Variants in ZNF33A observed in about 807,000 individuals in gnomAD.
ZNF33A encodes zinc finger protein 33A.
ZNF33A carries 9 observed loss-of-function variants against 15.9 expected under a neutral mutation model. That is an observed-to-expected ratio of 0.57 (90% CI 0.34 to 0.99). The LOEUF is 0.99. Ranked by LOEUF, ZNF33A falls within the 50% of genes least tolerant of loss-of-function variation. The pLI is 0.02. For missense variants in ZNF33A, 843 were observed against 941.6 expected (o/e 0.90, Z 1.37); for synonymous variants, 294 against 324.2 (o/e 0.91, Z 1.00).
intron 4 of ZNF33A, among the ~76,000 whole-genome samples, chr10:38,042,934 C>T (rs2065772397): frequency 6.6e-6 from 1 of 152,068 alleles, no homozygotes; most frequent in East Asian, 1.9e-4. Context: ...TACATATTTG[C>T]TTATTAAATT....
intron 2 of ZNF33A, 70 bp from the exon 3 acceptor site, chr10:38,016,801 G>C (rs1564833624): frequency 1.3e-6 from 2 of 1,525,592 alleles, no homozygotes; most frequent in Admixed American, 2.2e-5. Context: ...ACAATATTCT[G>C]TGAATAATAA....
chr10:38,041,011 A>T (rs72793732), intron 4 of ZNF33A, among the ~76,000 whole-genome samples: 18,812 of 152,274 alleles, frequency 0.12, 1,386 homozygotes, highest in East Asian at 0.29. Context: ...TCGTAAGTCA[A>T]GGAGCATCTG....
At chr10:38,063,830 C>T (rs2066683961), downstream of ZNF33A, among the ~76,000 whole-genome samples, 1 of 152,154 alleles carries the variant, frequency 6.6e-6, no homozygotes, top group East Asian at 1.9e-4. Context: ...CTATTTTCAC[C>T]TTGGTTCAGT....
At chr10:38,011,116 G>A (rs1187989693) in intron 1 of ZNF33A, among the ~76,000 whole-genome samples, 1 of 152,240 alleles carries the variant, frequency 6.6e-6, no homozygotes, top group African/African-American at 2.4e-5. Flanking sequence ...GCCGCGGTAC[G>A]TGGGCGGGGA....
At chr10:38,014,035 ATTTTT>A (rs10658326) in intron 2 of ZNF33A, among the ~76,000 whole-genome samples, 8 of 80,368 alleles carry the variant, frequency 1.0e-4, no homozygotes, top group South Asian at 5.7e-4. Flanking sequence ...ATGATGTCTG[ATTTTT>A]TTTTTTTTTT....
At chr10:38,054,328 A>G (rs753451098) in intron 4 of ZNF33A, 47 bp from the exon 5 acceptor site, 1 of 1,469,354 alleles carries the variant, frequency 6.8e-7, no homozygotes, top group East Asian at 2.4e-5. Context: ...ATTCCCTAAG[A>G]AATGTTTTGG....
At chr10:38,039,507 A>G (rs1465990255) in intron 4 of ZNF33A, 1 of 456,186 alleles carries the variant, frequency 2.2e-6, no homozygotes, top group Admixed American at 2.4e-5. Flanking sequence ...GATTACAGGC[A>G]TGAGCCACAG....
downstream of ZNF33A, among the ~76,000 whole-genome samples, chr10:38,063,410 T>G (rs1302765317): frequency 1.3e-5 from 2 of 152,144 alleles, no homozygotes; most frequent in Non-Finnish European, 2.9e-5. Flanking sequence ...GGCTTGAACT[T>G]GACAAAAATT....
At chr10:38,062,027 C>G (rs2066660507), downstream of ZNF33A, among the ~76,000 whole-genome samples, 1 of 152,118 alleles carries the variant, frequency 6.6e-6, no homozygotes, top group Non-Finnish European at 1.5e-5. Flanking sequence ...AAGGTTTGGC[C>G]TTTGGGAGGT....
At position 38,010,692 on chromosome 10, in the gene ZNF33A, T is replaced by C. The variant is rs1376016259; in HGVS notation, c.-136T>C. ...ACGTCTGCGTTTCCGCCTTTCCTTT[T>C]GTTTTTCTCAGGTTTTGCGTGGGAG... is the stretch of plus-strand genomic sequence containing the variant. On this transcript the variant is annotated 5_prime_UTR_variant, in exon 1 of 5. Transcript: ENST00000432900. The C allele has an allele frequency of 6.3e-6, 10 of 1,597,056 alleles. No individual in the cohort carries two copies. Among genetic ancestry groups the C allele is most frequent in the Non-Finnish European group, 8.5e-6 (10 of 1,178,786 alleles).
downstream of ZNF33A, among the ~76,000 whole-genome samples, chr10:38,063,514 C>A (rs1211771403): frequency 6.9e-6 from 1 of 145,244 alleles, no homozygotes; most frequent in African/African-American, 2.6e-5. Context: ...CTGCTTTGTT[C>A]AGTGATTTCA....
chr10:38,013,514 G>A lies in ZNF33A; in HGVS notation c.9+1164G>A, dbSNP rs181052160. Among the ~76,000 whole-genome samples, 6 of 151,176 alleles carry A rather than the reference G, an allele frequency of 4.0e-5. No homozygotes were observed. In the East Asian group the frequency reaches 9.9e-4, roughly 25 times the overall value. ...GTGATCTTGGCTCACTGCAACCTCCGACTCCCTGGTTCAAGTGATTCTCCT... is the reference window on the plus strand; with the variant it reads ...GTGATCTTGGCTCACTGCAACCTCCAACTCCCTGGTTCAAGTGATTCTCCT... On this transcript the variant is annotated intron_variant, in intron 2 of 4. Coordinates refer to ENST00000432900, the MANE Select transcript of ZNF33A (RefSeq NM_006954.2).
rs753773508 is a variant in ZNF33A at position 38,055,397 on chromosome 10, A to G, written c.1273A>G (p.Lys425Glu). The G allele has an allele frequency of 1.2e-6, 2 of 1,614,138 alleles. No individual in the cohort carries two copies. Among genetic ancestry groups the G allele is most frequent in the South Asian group, 2.2e-5 (2 of 91,082 alleles). ...CNACGKTFCQ[K>E]SDLTKHQRTH... The stretch of plus-strand genomic sequence containing the variant: ...TGCGTGTGGGAAAACTTTTTGCCAG[A>G]AATCTGACCTCACTAAACATCAGAG... The change falls in exon 5 of 5, where the codon AAA becomes GAA. Residue 425 changes from lysine to glutamate, a missense_variant. Physicochemically the swap from Lys to Glu is moderately conservative, Grantham distance 56. Transcript: ENST00000432900.
intron 4 of ZNF33A, among the ~76,000 whole-genome samples, chr10:38,038,773 G>A (rs533384708): frequency 3.3e-5 from 5 of 152,264 alleles, no homozygotes; most frequent in African/African-American, 1.2e-4. Context: ...CTGGTTTGCT[G>A]ATTGTTTTTA....
rs1590726784 is a variant in ZNF33A at position 38,058,290 on chromosome 10, G to A, written c.*1730G>A. 2 of 153,648 alleles carry A rather than the reference G, an allele frequency of 1.3e-5. No individual in the cohort carries two copies. Among genetic ancestry groups the A allele is most frequent in the Non-Finnish European group, 2.9e-5 (2 of 69,686 alleles). 9.5% of individuals were successfully genotyped at this position (153,648 alleles called of 1,614,324 possible). On this transcript the variant is annotated 3_prime_UTR_variant, in exon 5 of 5. Transcript: ENST00000432900. ...TATTGCTAATACCAAAAATGAAAGA[G>A]GCCATCACAGCTAATCCTATGGTCA...
downstream of ZNF33A, chr10:38,064,326 C>A (rs1300449194): frequency 2.3e-5 from 12 of 525,380 alleles, no homozygotes; most frequent in Non-Finnish European, 3.7e-5. Context: ...CAAAGAGTTG[C>A]ACTGAGGAAG....
chr10:38,027,286 T>TTG (rs923694100), intron 4 of ZNF33A, among the ~76,000 whole-genome samples: 10 of 152,126 alleles, frequency 6.6e-5, no homozygotes, highest in Admixed American at 2.0e-4. Context: ...ACTGGAATTT[T>TTG]TGTGTGTGTG....
chr10:38,016,858 C>G lies in ZNF33A; in HGVS notation c.10-13C>G, dbSNP rs1410251123. 6.2e-7 allele frequency: 1 copy of G among 1,612,654 alleles called. No homozygotes were observed. The highest frequency in any genetic ancestry group is 8.5e-7 in the Non-Finnish European group (1 of 1,179,666). On this transcript the variant is annotated splice_polypyrimidine_tract_variant and intron_variant, in intron 2 of 4. Transcript: ENST00000432900. ...ACTTCTTTTTTCATGCCACCTAATT[C>G]TGAATGTTTCAGGTAGAACAGAAGT...
chr10:38,018,722 C>T (rs978392183), intron 4 of ZNF33A, among the ~76,000 whole-genome samples: 4 of 152,034 alleles, frequency 2.6e-5, no homozygotes, highest in Admixed American at 6.6e-5. Context: ...TTGGTTCTCT[C>T]AGTATTTGGA....
Sources: allele counts gnomAD v4.1 joint callset (sites outside exome capture counted in the v4.1 genomes callset), GRCh38; gene constraint gnomAD v4.1.1; transcripts MANE v1.5; gene names NCBI Gene and HGNC (gene_info 2026-07-23, HGNC 2026-07-21).